The following FAM120C variants were observed in gnomAD, a reference collection of about 807,000 sequenced individuals.
FAM120C encodes the protein constitutive coactivator of PPAR-gamma-like protein 2.
Under a neutral mutation model 71.2 loss-of-function variants are expected in FAM120C, and 14 were observed. The ratio of observed to expected loss-of-function variants is 0.20; its 90% CI spans 0.13 to 0.31. FAM120C has a LOEUF of 0.31. Ranked by LOEUF, FAM120C falls within the 10% of genes least tolerant of loss-of-function variation. The pLI is 1.00. For missense variants in FAM120C, 500 were observed against 879.0 expected (o/e 0.57, Z 5.45); for synonymous variants, 354 against 353.2 (o/e 1.00, Z -0.03).
At chrX:54,089,828 G>A (rs1365481070) in intron 11 of FAM120C, among the ~76,000 whole-genome samples, 1 of 109,742 alleles carries the variant, frequency 9.1e-6, no homozygotes, top group African/African-American at 3.3e-5. Context: ...GCGTGGTGGC[G>A]CATGCCTGTA....
intron 10 of FAM120C, among the ~76,000 whole-genome samples, chrX:54,114,256 G>C (rs1217682340): frequency 9.1e-6 from 1 of 110,479 alleles, no homozygotes; most frequent in African/African-American, 3.3e-5. Flanking sequence ...TACACATTGG[G>C]GACTCAGAAG....
intron 9 of FAM120C, among the ~76,000 whole-genome samples, chrX:54,129,229 T>C (rs1252300379): frequency 9.6e-6 from 1 of 104,432 alleles, no homozygotes; most frequent in East Asian, 3.1e-4. Flanking sequence ...CCAGACGGGG[T>C]GGCTGCCGGG....
intron 1 of FAM120C, among the ~76,000 whole-genome samples, chrX:54,164,075 GCA>G (rs2067248127): frequency 9.1e-6 from 1 of 110,123 alleles, no homozygotes; most frequent in Non-Finnish European, 1.9e-5. Flanking sequence ...TGGATTATAG[GCA>G]CATGCCACCA....
In FAM120C at chrX:54,107,527, A is replaced by T. The variant is rs184842508; in HGVS notation, c.2312+9018T>A. Among the ~76,000 whole-genome samples, 993 of 105,116 alleles carry T rather than the reference A, an allele frequency of 9.4e-3. 10 individuals are homozygous for T. The highest frequency in any genetic ancestry group is 0.033 in the African/African-American group (960 of 28,930). 91.3% of individuals were successfully genotyped at this position (105,116 alleles called of 115,157 possible). ...ATCTTTATCATTATTCTTTAAAAAAATTTTTTTTTTGAGACAGAGTCTTAC... is the reference window on the plus strand; with the variant it reads ...ATCTTTATCATTATTCTTTAAAAAATTTTTTTTTTTGAGACAGAGTCTTAC... On this transcript the variant is annotated intron_variant, in intron 10 of 15. Transcript: ENST00000375180.
chrX:54,175,392 T>C (rs1487296103), intron 1 of FAM120C, among the ~76,000 whole-genome samples: 1 of 110,929 alleles, frequency 9.0e-6, no homozygotes, highest in East Asian at 2.8e-4. Flanking sequence ...TGGGGTAAAA[T>C]TAGGCTAGAT....
intron 15 of FAM120C, among the ~76,000 whole-genome samples, chrX:54,078,548 T>C (rs1353678617): frequency 2.7e-5 from 3 of 111,454 alleles, no homozygotes; most frequent in Non-Finnish European, 5.6e-5. Flanking sequence ...CAAATTTATC[T>C]TCTTTGAGGA....
At chrX:54,165,825 AG>A (rs1437760370) in intron 1 of FAM120C, among the ~76,000 whole-genome samples, 3 of 110,618 alleles carry the variant, frequency 2.7e-5, no homozygotes, top group African/African-American at 9.8e-5. Flanking sequence ...ATACACCATG[AG>A]GGAAATTTTG....
rs148719974 is a variant in FAM120C at position 54,182,648 on chromosome X, C to A, written c.551G>T (p.Gly184Val). Residue 184 changes from glycine (G) to valine (V), a missense_variant, in exon 1 of 16, where the codon GGC becomes GTC. Gly to Val is a moderately radical substitution (Grantham distance 109). This residue lies in a region of FAM120C where 45 missense variants were observed against 140.2 expected (regional missense o/e 0.32). Coordinates refer to ENST00000375180, the MANE Select transcript of FAM120C (RefSeq NM_017848.6). ...GLGKDRLAEW[G>V]RRCQAERQTA... ...CTGCCGCTCGGCCTGGCACCGACGG[C>A]CCCACTCGGCCAGCCGGTCCTTGCC... The A allele has an allele frequency of 3.4e-5, 41 of 1,205,936 alleles. No homozygotes were observed. The African/African-American group carries it at 6.8e-4, about 20-fold the overall frequency.
At chrX:54,167,697 T>C (rs2067266808) in intron 1 of FAM120C, among the ~76,000 whole-genome samples, 1 of 110,050 alleles carries the variant, frequency 9.1e-6, no homozygotes, top group Non-Finnish European at 1.9e-5. Flanking sequence ...CCGGGTGTGG[T>C]GGCTCATGCC....
At chrX:54,086,012 A>G (rs2066792788) in intron 12 of FAM120C, 96 bp from the exon 13 acceptor site, 1 of 744,485 alleles carries the variant, frequency 1.3e-6, no homozygotes, top group Non-Finnish European at 2.0e-6. Context: ...CAGTCTCACA[A>G]TTCTATTCCC....
rs1557137712 is a variant in FAM120C at position 54,182,937 on chromosome X, C to G, written c.262G>C (p.Ala88Pro). ...GAGPTRHHHP[A>P]HHFHHHGQAQ... The stretch of plus-strand genomic sequence containing the variant: ...TGGCCATGATGGTGGAAGTGGTGAG[C>G]GGGGTGATGGTGCCGAGTCGGCCCC... Residue 88 changes from alanine to proline, a missense_variant, in exon 1 of 16, where the codon GCT becomes CCT. Physicochemically the swap from Ala to Pro is conservative, Grantham distance 27. This residue lies in a region of FAM120C where 79 missense variants were observed against 78.3 expected (regional missense o/e 1.01). Coordinates refer to ENST00000375180, the MANE Select transcript of FAM120C (RefSeq NM_017848.6). 8.6e-7 allele frequency: 1 copy of G among 1,159,845 alleles called. No homozygotes were observed. The highest frequency in any genetic ancestry group is 1.1e-6 in the Non-Finnish European group (1 of 870,775).
intron 10 of FAM120C, among the ~76,000 whole-genome samples, chrX:54,112,537 C>A (rs2066942760): frequency 9.1e-6 from 1 of 109,465 alleles, no homozygotes; most frequent in South Asian, 4.0e-4. Context: ...GAAACCCCGT[C>A]TCTACTGAAA....
At chrX:54,165,255 G>A (rs781873135) in intron 1 of FAM120C, among the ~76,000 whole-genome samples, 16 of 111,417 alleles carry the variant, frequency 1.4e-4, no homozygotes, top group African/African-American at 5.2e-4. Context: ...GTTCAAATCA[G>A]GATTCAAACA....
At chrX:54,117,298 A>G (rs1437713877) in intron 9 of FAM120C, among the ~76,000 whole-genome samples, 1 of 107,610 alleles carries the variant, frequency 9.3e-6, no homozygotes, top group Non-Finnish European at 1.9e-5. Context: ...GGCAGCAGTG[A>G]GCTATGATCT....
chrX:54,145,774 AAAT>A (rs2067151908), intron 4 of FAM120C, among the ~76,000 whole-genome samples: 2 of 112,040 alleles, frequency 1.8e-5, no homozygotes, highest in African/African-American at 6.5e-5. Flanking sequence ...CTAGAACTAG[AAAT>A]ACCATTTGAC....
chrX:54,134,980 G>A lies in FAM120C; in HGVS notation c.1467C>T (p.Asn489=), dbSNP rs782394206. 3 of 1,211,760 alleles carry A rather than the reference G, an allele frequency of 2.5e-6. No homozygotes were observed. The highest frequency in any genetic ancestry group is 3.3e-6 in the Non-Finnish European group (3 of 895,533). Residue 489 remains asparagine (N), a synonymous_variant, in exon 7 of 16, where the codon AAC becomes AAT. Coordinates refer to ENST00000375180, the MANE Select transcript of FAM120C (RefSeq NM_017848.6). The stretch of plus-strand genomic sequence containing the variant: ...AGACAGCCCAATTGGCAAAGGGGCT[G>A]TTCTGCAGCATGGGATCCTCAGAAA... ...HAFSEDPMLQ[N]SPFANWAVSY...
In FAM120C at chrX:54,068,789, C is replaced by CAGAACAGAATAGAACAGAAT. The variant is rs60166177; in HGVS notation, c.*4243_*4244insATTCTGTTCTATTCTGTTCT. ...AAAAACAGAATAGAACAGAATAGAACAGAATAGAATAGAATAGAATAGAAT... is the reference window on the plus strand; with the variant it reads ...AAAAACAGAATAGAACAGAATAGAACAGAACAGAATAGAACAGAATAGAATAGAATAGAATAGAATAGAAT... On this transcript the variant is annotated 3_prime_UTR_variant, in exon 16 of 16. Coordinates refer to ENST00000375180, the MANE Select transcript of FAM120C (RefSeq NM_017848.6). 2.0e-4 allele frequency: 21 copies of CAGAACAGAATAGAACAGAAT among 103,231 alleles called. No homozygotes were observed. The highest frequency in any genetic ancestry group is 1.9e-3 in the Admixed American group (18 of 9,602). The allele number at this position is 103,231 out of a possible 1,213,427, so 8.5% of individuals were successfully genotyped here. A position where few individuals can be genotyped will look rare whatever the true frequency, so the allele number is the denominator to read the frequency against.
At chrX:54,145,209 A>T (rs2067148644) in intron 4 of FAM120C, among the ~76,000 whole-genome samples, 1 of 112,416 alleles carries the variant, frequency 8.9e-6, no homozygotes, top group Non-Finnish European at 1.9e-5. Context: ...AAACCATGAA[A>T]ACCCTAGAAG....
intron 10 of FAM120C, among the ~76,000 whole-genome samples, chrX:54,109,681 C>T (rs1250740190): frequency 9.6e-6 from 1 of 104,611 alleles, no homozygotes; most frequent in Non-Finnish European, 2.0e-5. Flanking sequence ...TTTCTGGTAA[C>T]GAATACCTGA....
Sources: gnomAD v4.1 joint callset for allele counts (sites outside exome capture counted in the v4.1 genomes callset) on GRCh38, gnomAD v4.1.1 for gene constraint, gnomAD v4.1.1 regional missense constraint, MANE v1.5 for transcripts, NCBI Gene and HGNC (gene_info 2026-07-23, HGNC 2026-07-21) for gene names.